The following DIP2C variants were observed in gnomAD, a reference collection of about 807,000 sequenced individuals.
The protein encoded by DIP2C is DIP2 acetate--CoA ligase C (putative), also known as disco-interacting protein 2 homolog C.
Under a neutral mutation model 192.4 loss-of-function variants are expected in DIP2C, and 33 were observed. That is an observed-to-expected ratio of 0.17 (90% confidence interval 0.13 to 0.23). The LOEUF (loss-of-function observed/expected upper bound fraction) is 0.23. Among genes scored for constraint, DIP2C ranks in the 10% least tolerant of loss-of-function variants. DIP2C has a pLI of 1.00. For missense variants in DIP2C, 1,537 were observed against 2,110.1 expected (o/e 0.73, Z 5.32); for synonymous variants, 979 against 864.1 (o/e 1.13, Z -2.33).
chr10:350,679 G>A (rs935659276), intron 24 of DIP2C, among the ~76,000 whole-genome samples: 14 of 127,722 alleles, frequency 1.1e-4, no homozygotes, highest in African/African-American at 2.1e-4. Context: ...TCGCTCTGTC[G>A]CCAGGCTGGA....
intron 3 of DIP2C, among the ~76,000 whole-genome samples, chr10:461,523 C>A (rs890913000): frequency 2.0e-5 from 3 of 152,178 alleles, no homozygotes; most frequent in Non-Finnish European, 4.4e-5. Flanking sequence ...CAGGAGCACC[C>A]AGATTCATAA....
chr10:401,884 A>C (rs1357355076), intron 9 of DIP2C, among the ~76,000 whole-genome samples: 1 of 150,984 alleles, frequency 6.6e-6, no homozygotes, highest in African/African-American at 2.4e-5. Flanking sequence ...GTACATTTTC[A>C]TCAGCACATG....
At chr10:371,794 C>T (rs1268920051) in intron 17 of DIP2C, among the ~76,000 whole-genome samples, 1 of 152,212 alleles carries the variant, frequency 6.6e-6, no homozygotes. Flanking sequence ...AGCCCTGTGA[C>T]ACCTTGGGGT....
chr10:283,259 C>T lies in DIP2C; in HGVS notation c.4294+13G>A, dbSNP rs543293681. 20 of 1,612,876 alleles carry T rather than the reference C, an allele frequency of 1.2e-5. No homozygotes were observed. Among genetic ancestry groups the T allele is most frequent in the South Asian group, 1.2e-4 (11 of 90,948 alleles). ...CCATCTGTTGGGGGGGGGCCGCCAGCCTGGACTCTCACCTCCATTTGCATC... is the reference window on the plus strand; with the variant it reads ...CCATCTGTTGGGGGGGGGCCGCCAGTCTGGACTCTCACCTCCATTTGCATC... On this transcript the variant is annotated intron_variant, in intron 35 of 36. Coordinates refer to ENST00000280886, the MANE Select transcript of DIP2C (RefSeq NM_014974.3).
At chr10:495,861 C>T (rs892308363) in intron 1 of DIP2C, among the ~76,000 whole-genome samples, 3 of 150,708 alleles carry the variant, frequency 2.0e-5, no homozygotes, top group Non-Finnish European at 4.4e-5. Flanking sequence ...ACACAGAACC[C>T]ATGGTGCCCT....
At chr10:551,190 G>A (rs909428500) in intron 1 of DIP2C, among the ~76,000 whole-genome samples, 6 of 152,178 alleles carry the variant, frequency 3.9e-5, no homozygotes, top group Admixed American at 2.0e-4. Flanking sequence ...TGCAGGTCTC[G>A]GCTCTGCTGA....
chr10:489,377 T>C (rs759587428), intron 1 of DIP2C, among the ~76,000 whole-genome samples: 56 of 152,190 alleles, frequency 3.7e-4, no homozygotes, highest in Non-Finnish European at 6.9e-4. Context: ...AGGTAGATAA[T>C]AGATGATGCA....
intron 22 of DIP2C, among the ~76,000 whole-genome samples, chr10:358,753 A>G (rs1370560660): frequency 8.5e-4 from 1 of 1,178 alleles, no homozygotes; most frequent in Non-Finnish European, 1.7e-3. Context: ...GGGATGGGGG[A>G]TGGGAGGTGG....
intron 4 of DIP2C, among the ~76,000 whole-genome samples, chr10:423,927 T>C (rs1447448483): frequency 2.0e-5 from 3 of 152,170 alleles, no homozygotes; most frequent in South Asian, 4.1e-4. Context: ...TACATTCTCA[T>C]TATTGATTTT....
intron 34 of DIP2C, among the ~76,000 whole-genome samples, 153 bp downstream of exon 34, chr10:286,120 T>G (rs1955108313): frequency 2.0e-5 from 3 of 152,246 alleles, no homozygotes; most frequent in Admixed American, 2.0e-4. Flanking sequence ...GCCATAAAGC[T>G]TACCTCACGC....
At chr10:447,236 A>T (rs1377460564) in intron 3 of DIP2C, among the ~76,000 whole-genome samples, 1 of 147,848 alleles carries the variant, frequency 6.8e-6, no homozygotes, top group Non-Finnish European at 1.5e-5. Context: ...TATACTCAGG[A>T]TCACACACAG....
At chr10:552,449 C>T (rs150497219) in intron 1 of DIP2C, among the ~76,000 whole-genome samples, 30 of 152,216 alleles carry the variant, frequency 2.0e-4, no homozygotes, top group African/African-American at 6.7e-4. Context: ...CCTTATTATT[C>T]GAATACATTA....
At chr10:542,184 C>A (rs1317153038) in intron 1 of DIP2C, among the ~76,000 whole-genome samples, 1 of 152,112 alleles carries the variant, frequency 6.6e-6, no homozygotes, top group Admixed American at 6.5e-5. Flanking sequence ...ACGGCTCACT[C>A]CCTCCTGAGC....
At chr10:662,719 T>G in intron 1 of DIP2C, 1 of 593,082 alleles carries the variant, frequency 1.7e-6, no homozygotes, top group South Asian at 2.3e-5. Context: ...TATACAATGT[T>G]TGAGGAAATA....
chr10:357,638 C>G (rs1959145548), intron 23 of DIP2C, among the ~76,000 whole-genome samples, 190 bp downstream of exon 23: 2 of 152,208 alleles, frequency 1.3e-5, no homozygotes, highest in Non-Finnish European at 2.9e-5. Context: ...TGGTCCACCA[C>G]CAGCGCGCGA....
intron 1 of DIP2C, among the ~76,000 whole-genome samples, chr10:615,809 A>G (rs816606): frequency 0.98 from 149,424 of 152,240 alleles, 73,386 homozygotes; most frequent in Non-Finnish European, 1. Flanking sequence ...ACACTCCTCC[A>G]AACAGACATT....
At chr10:435,347 C>T (rs939165133) in intron 4 of DIP2C, among the ~76,000 whole-genome samples, 1 of 152,264 alleles carries the variant, frequency 6.6e-6, no homozygotes, top group East Asian at 1.9e-4. Context: ...TCCTATTCTC[C>T]GTCCCCTGTA....
intron 31 of DIP2C, among the ~76,000 whole-genome samples, chr10:320,994 G>A (rs931465324): frequency 3.0e-5 from 4 of 134,776 alleles, no homozygotes; most frequent in African/African-American, 9.0e-5. Context: ...CATCCAGGCC[G>A]AGCACAGTGT....
chr10:380,857 G>A (rs1264438867), intron 17 of DIP2C, among the ~76,000 whole-genome samples: 5 of 152,144 alleles, frequency 3.3e-5, no homozygotes, highest in African/African-American at 9.7e-5. Flanking sequence ...TTCACCTCAA[G>A]TTTTAAGACA....
Sources: allele counts gnomAD v4.1 joint callset (sites outside exome capture counted in the v4.1 genomes callset), GRCh38; gene constraint gnomAD v4.1.1; transcripts MANE v1.5; gene names NCBI Gene and HGNC (gene_info 2026-07-23, HGNC 2026-07-21).